The following DCUN1D2 variants were observed in gnomAD, a reference collection of about 807,000 sequenced individuals.
DCUN1D2 encodes DCN1-like protein 2.
Under a neutral mutation model 30.9 loss-of-function variants are expected in DCUN1D2, and 29 were observed. That is an observed-to-expected ratio of 0.94 (90% CI 0.70 to 1.28). The LOEUF (loss-of-function observed/expected upper bound fraction) is 1.28, where lower values mean the gene tolerates loss of function less well. Ranked by LOEUF, DCUN1D2 falls within the 50% of genes most tolerant of loss-of-function variation. The pLI is 0.00. For missense variants in DCUN1D2, 325 were observed against 316.9 expected (o/e 1.03, Z -0.19); for synonymous variants, 121 against 115.3 (o/e 1.05, Z -0.32).
At chr13:113,481,971 TGGG>T in intron 2 of DCUN1D2, among the ~76,000 whole-genome samples, 1 of 152,204 alleles carries the variant, frequency 6.6e-6, no homozygotes, top group Non-Finnish European at 1.5e-5. Flanking sequence ...GCATAGTTTA[TGGG>T]ACAGAGGTTC....
intron 1 of DCUN1D2, among the ~76,000 whole-genome samples, chr13:113,489,841 C>A (rs1231243910): frequency 6.6e-6 from 1 of 152,052 alleles, no homozygotes; most frequent in Non-Finnish European, 1.5e-5. Context: ...CTCCCACAGC[C>A]GCATCCTACA....
chr13:113,484,179 C>G (rs887055234), intron 1 of DCUN1D2, 123 bp from the exon 2 acceptor site: 1 of 1,495,274 alleles, frequency 6.7e-7, no homozygotes, highest in Non-Finnish European at 8.9e-7. Flanking sequence ...TCATCAGTTA[C>G]AAAGACTGCA....
rs747258122 is a variant in DCUN1D2 at position 113,456,126 on chromosome 13, T to G, written c.*1903A>C. ...TTTTGAGGTTTGTATTAATGCCAGTTTTTATTGTATTAGACAAATGCTCTC... is the reference window on the plus strand; with the variant it reads ...TTTTGAGGTTTGTATTAATGCCAGTGTTTATTGTATTAGACAAATGCTCTC... On this transcript the variant is annotated 3_prime_UTR_variant, in exon 7 of 7. Coordinates refer to ENST00000478244, the MANE Select transcript of DCUN1D2 (RefSeq NM_001014283.2). The G allele has an allele frequency of 5.0e-6, 2 of 398,316 alleles. No individual in the cohort carries two copies. Among genetic ancestry groups the G allele is most frequent in the Non-Finnish European group, 8.8e-6 (2 of 226,056 alleles). The allele number at this position is 398,316 out of a possible 1,614,324, so 24.7% of individuals were successfully genotyped here.
chr13:113,480,757 C>G lies in DCUN1D2; in HGVS notation c.221-14G>C, dbSNP rs1298595980. The G allele has an allele frequency of 6.2e-7, 1 of 1,612,430 alleles. No homozygotes were observed. The highest frequency in any genetic ancestry group is 8.5e-7 in the Non-Finnish European group (1 of 1,179,626). ...CATCTTGTGGATCTGTAGTTAATAT[C>G]AGGGGAAAAGGAAGTTATACTATTT... On this transcript the variant is annotated splice_polypyrimidine_tract_variant and intron_variant, in intron 2 of 6. Coordinates refer to ENST00000478244, the MANE Select transcript of DCUN1D2 (RefSeq NM_001014283.2).
rs1017171767 is a variant in DCUN1D2, at chr13:113,489,132, A to T, written c.3+1535T>A. 6 of 985,240 alleles carry T rather than the reference A, an allele frequency of 6.1e-6. No individual in the cohort carries two copies. In the African/African-American group the frequency reaches 1.0e-4, roughly 17 times the overall value. 61.0% of individuals were successfully genotyped at this position (985,240 alleles called of 1,614,324 possible). On this transcript the variant is annotated intron_variant, in intron 1 of 6. Coordinates refer to ENST00000478244, the MANE Select transcript of DCUN1D2 (RefSeq NM_001014283.2). ...ATCATGTTGATCGAATAAACTACGT[A>T]AGTTTATGGATCACTTTCACTCTGT...
In DCUN1D2 at chr13:113,488,304, G is replaced by T. The variant is rs1205996667; in HGVS notation, c.3+2363C>A. Among the ~76,000 whole-genome samples the T allele has an allele frequency of 6.6e-6, 1 of 152,238 alleles. No individual in the cohort carries two copies. Among genetic ancestry groups the T allele is most frequent in the East Asian group, 1.9e-4 (1 of 5,198 alleles). The stretch of plus-strand genomic sequence containing the variant: ...CACTGGTTCTGAAGGAGCAAGAGAA[G>T]CTTTGGGGTCTAGGCTTAGTCCATT... On this transcript the variant is annotated intron_variant, in intron 1 of 6. Coordinates refer to ENST00000478244, the MANE Select transcript of DCUN1D2 (RefSeq NM_001014283.2). The surrounding 1 kb of genome is among the most constrained non-coding windows in gnomAD (Gnocchi z 4.3).
At chr13:113,487,348 A>G (rs1169281559) in intron 1 of DCUN1D2, among the ~76,000 whole-genome samples, 2 of 152,248 alleles carry the variant, frequency 1.3e-5, no homozygotes, top group Non-Finnish European at 2.9e-5. Flanking sequence ...ATACAACAAC[A>G]TTTACTATAT....
chr13:113,480,808 T>A, intron 2 of DCUN1D2, 65 bp from the exon 3 acceptor site: 1 of 1,557,098 alleles, frequency 6.4e-7, no homozygotes, highest in Non-Finnish European at 8.8e-7. Context: ...AAATAGGAGG[T>A]TTGAATCCTA....
chr13:113,472,555 G>A (rs529741425), intron 4 of DCUN1D2, among the ~76,000 whole-genome samples: 18 of 152,276 alleles, frequency 1.2e-4, no homozygotes, highest in East Asian at 1.2e-3. Context: ...ACTGACCCTC[G>A]GTCGAAGGAA....
Position 113,488,536 on chromosome 13 carries a change from T to G in DCUN1D2, c.3+2131A>C, listed in dbSNP as rs2044847292. 6.6e-6 allele frequency among the ~76,000 whole-genome samples: 1 copy of G among 152,124 alleles called. No homozygotes were observed. The highest frequency in any genetic ancestry group is 1.5e-5 in the Non-Finnish European group (1 of 68,016). ...GCTTCTTAGGAAACAAAAAGGCTCG[T>G]CAACTAAAAAACTACAGGGGAGAGA... On this transcript the variant is annotated intron_variant, in intron 1 of 6. Coordinates refer to ENST00000478244, the MANE Select transcript of DCUN1D2 (RefSeq NM_001014283.2). This position sits in a 1 kb window ranked among gnomAD's most constrained non-coding sequence, Gnocchi z 4.3.
chr13:113,458,119 G>A lies in DCUN1D2; in HGVS notation c.701-11C>T. 1 of 1,613,534 alleles carries A rather than the reference G, an allele frequency of 6.2e-7. No individual in the cohort carries two copies. The highest frequency in any genetic ancestry group is 8.5e-7 in the Non-Finnish European group (1 of 1,179,510). Reference sequence around the variant, plus strand: ...GAACGGGCCAAGCTCCTAAAGGAAAGCAAGCAAACAGAAAACCCGTTAGAG... The same window carrying A: ...GAACGGGCCAAGCTCCTAAAGGAAAACAAGCAAACAGAAAACCCGTTAGAG... On this transcript the variant is annotated splice_polypyrimidine_tract_variant and intron_variant, in intron 6 of 6. Transcript: ENST00000478244.
At chr13:113,490,768 G>T, upstream of DCUN1D2, 1 of 1,093,426 alleles carries the variant, frequency 9.1e-7, no homozygotes, top group South Asian at 4.5e-5. This position sits in a 1 kb window ranked among gnomAD's most constrained non-coding sequence, Gnocchi z 5.2. Flanking sequence ...CTCGGCTCCG[G>T]GGCAGTGCCG....
chr13:113,479,142 T>TA (rs1458261333), intron 3 of DCUN1D2: 1 of 152,266 alleles, frequency 6.6e-6, no homozygotes, highest in Non-Finnish European at 1.5e-5. Context: ...AATGTTCTCC[T>TA]AGGCCATTTG....
chr13:113,477,694 T>C (rs2044641099), intron 3 of DCUN1D2, among the ~76,000 whole-genome samples: 1 of 151,912 alleles, frequency 6.6e-6, no homozygotes, highest in African/African-American at 2.4e-5. Flanking sequence ...ATTCTTAGTT[T>C]TCTATGAGTT....
intron 4 of DCUN1D2, among the ~76,000 whole-genome samples, chr13:113,463,792 A>T (rs1180924330): frequency 6.6e-6 from 1 of 152,124 alleles, no homozygotes; most frequent in East Asian, 1.9e-4. Flanking sequence ...ACACAGAGAC[A>T]CACAGACATA....
At position 113,474,132 on chromosome 13, in the gene DCUN1D2, T is replaced by C. The variant is rs781437102; in HGVS notation, c.512A>G (p.Lys171Arg). Residue 171 changes from lysine to arginine, a missense_variant, in exon 4 of 7, where the codon AAA (lysine) becomes AGA (arginine). Physicochemically the swap from Lys to Arg is conservative, Grantham distance 26. Coordinates refer to ENST00000478244, the MANE Select transcript of DCUN1D2 (RefSeq NM_001014283.2). ...TTGGATTTCATACTCACCTAAACCT[T>C]TCTGCCCTGGGTTCTTAGCGAAGGT... ...TFTFAKNPGQ[K>R]GLDLEMAVAY... The C allele has an allele frequency of 5.6e-6, 9 of 1,613,806 alleles. No homozygotes were observed. Among genetic ancestry groups the C allele is most frequent in the Non-Finnish European group, 7.6e-6 (9 of 1,179,826 alleles).
In DCUN1D2 at chr13:113,456,072, T is replaced by C. The variant is rs2044221077; in HGVS notation, c.*1957A>G. 1 of 397,452 alleles carries C rather than the reference T, an allele frequency of 2.5e-6. No individual in the cohort carries two copies. The highest frequency in any genetic ancestry group is 2.1e-5 in the African/African-American group (1 of 48,600). The allele number at this position is 397,452 out of a possible 1,614,324, so 24.6% of individuals were successfully genotyped here. On this transcript the variant is annotated 3_prime_UTR_variant, in exon 7 of 7. Coordinates refer to ENST00000478244, the MANE Select transcript of DCUN1D2 (RefSeq NM_001014283.2). ...GAACAAAACAATTACATGTCAAGAA[T>C]CCATGAAGCCTGGAAGATACGCTCA...
At position 113,490,676 on chromosome 13, in the gene DCUN1D2, C is replaced by T. The variant is rs555970901; in HGVS notation, c.-7G>A. The T allele has an allele frequency of 4.3e-5, 54 of 1,244,788 alleles. No individual in the cohort carries two copies. The highest frequency in any genetic ancestry group is 5.2e-5 in the Non-Finnish European group (52 of 993,060). The allele number at this position is 1,244,788 out of a possible 1,614,324, so 77.1% of individuals were successfully genotyped here. On this transcript the variant is annotated 5_prime_UTR_variant, in exon 1 of 7. Transcript: ENST00000478244. The surrounding 1 kb of genome is among the most constrained non-coding windows in gnomAD (Gnocchi z 5.2). Reference sequence around the variant, plus strand: ...ACGCCGGGCCACCTACCATCTCCCCCGCGCCGCCCGCTTCTGGCCGGCCCC... The same window carrying T: ...ACGCCGGGCCACCTACCATCTCCCCTGCGCCGCCCGCTTCTGGCCGGCCCC...
At chr13:113,459,239 C>CTA in intron 6 of DCUN1D2, 73 bp downstream of exon 6, 1 of 834,692 alleles carries the variant, frequency 1.2e-6, no homozygotes, top group East Asian at 2.4e-5. Flanking sequence ...GGTCACCACT[C>CTA]TAGAGGCAGG....
Sources: allele counts gnomAD v4.1 joint callset (sites outside exome capture counted in the v4.1 genomes callset), GRCh38; gene constraint gnomAD v4.1.1; non-coding constraint Gnocchi (gnomAD v3.1); transcripts MANE v1.5; gene names NCBI Gene and HGNC (gene_info 2026-07-23, HGNC 2026-07-21).